Variants in N4BP2L2 observed in about 807,000 individuals in gnomAD.
The protein encoded by N4BP2L2 is NEDD4 binding protein 2 like 2.
In N4BP2L2, 50 loss-of-function variants were observed where a neutral mutation model predicts 56.2. The observed-to-expected ratio is 0.89, with a 90% CI of 0.71 to 1.13. The LOEUF (loss-of-function observed/expected upper bound fraction) is 1.13. Among genes scored for constraint, N4BP2L2 ranks in the 50% most tolerant of loss-of-function variants. N4BP2L2 has a pLI of 0.00. For synonymous variants in N4BP2L2, 203 were observed against 223.6 expected (o/e 0.91, Z 0.82); for missense variants, 689 against 693.8 (o/e 0.99, Z 0.08).
intron 6 of N4BP2L2, among the ~76,000 whole-genome samples, chr13:32,502,061 ATTTTTTT>A (rs368621196): frequency 2.4e-5 from 3 of 125,420 alleles, no homozygotes; most frequent in South Asian, 2.5e-4. Flanking sequence ...CTACTACAGC[ATTTTTTT>A]TTTTTTTTTT....
exon 6 of N4BP2L2, chr13:32,516,458 C>A (rs902193125): frequency 5.3e-5 from 8 of 152,016 alleles, no homozygotes; most frequent in South Asian, 2.1e-4. Flanking sequence ...TAACAAAGAC[C>A]TTGTTGATAG....
At chr13:32,464,259 A>T (rs2080809947) in intron 6 of N4BP2L2, among the ~76,000 whole-genome samples, 1 of 152,256 alleles carries the variant, frequency 6.6e-6, no homozygotes, top group African/African-American at 2.4e-5. Flanking sequence ...AAGTTGGTAA[A>T]TTCTAACTGG....
In N4BP2L2 at chr13:32,463,207, G is replaced by C. The variant is rs544401375; in HGVS notation, c.366-19081C>G. Among the ~76,000 whole-genome samples, 41 of 152,244 alleles carry C rather than the reference G, an allele frequency of 2.7e-4. No individual in the cohort carries two copies. In the East Asian group the frequency reaches 5.0e-3, roughly 19 times the overall value. On this transcript the variant is annotated intron_variant, in intron 6 of 9. Transcript: ENST00000357505. Reference sequence around the variant, plus strand: ...GTAGAAGGGGTTCTACAGCAGGCTTGAGCAGGCAGAAGAACAGTGAATTTG... The same window carrying C: ...GTAGAAGGGGTTCTACAGCAGGCTTCAGCAGGCAGAAGAACAGTGAATTTG...
At position 32,433,841 on chromosome 13, in the gene N4BP2L2, A is replaced by G. The variant is rs1270850669; in HGVS notation, c.*22-869T>C. On this transcript the variant is annotated intron_variant, in intron 9 of 9. Coordinates refer to the N4BP2L2 transcript ENST00000357505. ...AGCTACTTGGGAGGCTGAGGTGGAG[A>G]ATCGCTTGAACCCAGGAAGGCAGAG... 6.1e-5 allele frequency among the ~76,000 whole-genome samples: 9 copies of G among 148,330 alleles called. No homozygotes were observed. In the East Asian group the frequency reaches 1.9e-3, roughly 31 times the overall value.
At chr13:32,446,730 A>T (rs757919900) in intron 6 of N4BP2L2, among the ~76,000 whole-genome samples, 4 of 152,316 alleles carry the variant, frequency 2.6e-5, no homozygotes, top group Middle Eastern at 6.8e-3. Context: ...AATTCCATAT[A>T]CCAGCAGAAA....
chr13:32,502,019 A>T (rs2090103329), intron 6 of N4BP2L2, among the ~76,000 whole-genome samples: 1 of 152,028 alleles, frequency 6.6e-6, no homozygotes, highest in Admixed American at 6.6e-5. Context: ...TAAATTCGAT[A>T]ATGAAAAAAA....
chr13:32,537,045 C>A lies in N4BP2L2; in HGVS notation c.1-18G>T, dbSNP rs200659939. 8 of 1,432,038 alleles carry A rather than the reference C, an allele frequency of 5.6e-6. No homozygotes were observed. The East Asian group carries it at 1.7e-4, about 30-fold the overall frequency. 88.7% of individuals were successfully genotyped at this position (1,432,038 alleles called of 1,614,324 possible). A position where few individuals can be genotyped will look rare whatever the true frequency, so the allele number is the denominator to read the frequency against. ...TAAGACATCTGAGAAATAAATAAAT[C>A]ATACAATTACTAGCTAATATATTAA... On this transcript the variant is annotated intron_variant, in intron 1 of 5. Transcript: ENST00000267068.
exon 7 of N4BP2L2, chr13:32,442,674 T>G (rs1377002018): frequency 1.9e-6 from 3 of 1,613,736 alleles, no homozygotes; most frequent in Non-Finnish European, 2.5e-6. Context: ...TTGTCTGAGA[T>G]TCGAAAGTCA....
chr13:32,529,288 T>G (rs147116249), intron 2 of N4BP2L2, among the ~76,000 whole-genome samples: 68 of 152,348 alleles, frequency 4.5e-4, no homozygotes, highest in African/African-American at 1.4e-3. Flanking sequence ...AAATGCCAAT[T>G]AAAAACTGTG....
exon 7 of N4BP2L2, chr13:32,442,736 G>A: frequency 1.2e-6 from 2 of 1,613,264 alleles, no homozygotes; most frequent in Non-Finnish European, 1.7e-6. Context: ...GATAAATTAT[G>A]TAGCACAAAA....
At chr13:32,521,669 C>T (rs1361666038) in intron 4 of N4BP2L2, 1 of 443,438 alleles carries the variant, frequency 2.3e-6, no homozygotes, top group Non-Finnish European at 4.0e-6. Flanking sequence ...GATTACTATC[C>T]TTAAGGAAAG....
chr13:32,502,070 T>C (rs1352606485), intron 6 of N4BP2L2, among the ~76,000 whole-genome samples: 1 of 150,428 alleles, frequency 6.6e-6, no homozygotes, highest in Admixed American at 6.6e-5. Flanking sequence ...CATTTTTTTT[T>C]TTTTTTTTTT....
Position 32,439,286 on chromosome 13 carries a change from T to A in N4BP2L2, c.2105-549A>T, listed in dbSNP as rs372324097. Among the ~76,000 whole-genome samples the A allele has an allele frequency of 3.2e-4, 48 of 152,352 alleles. No individual in the cohort carries two copies. The South Asian group carries it at 9.5e-3, about 30-fold the overall frequency. ...ATGCACTAATTTTATTTTATGTTAG[T>A]CTTGTCTCCCAATTTAGAAGGTAAG... On this transcript the variant is annotated intron_variant, in intron 7 of 9. Coordinates refer to the N4BP2L2 transcript ENST00000357505.
intron 6 of N4BP2L2, among the ~76,000 whole-genome samples, chr13:32,484,019 A>C (rs1019259666): frequency 3.3e-5 from 5 of 151,428 alleles, no homozygotes; most frequent in Admixed American, 2.6e-4. Flanking sequence ...AAGAAAAACC[A>C]GTCGGGGCCA....
intron 6 of N4BP2L2, among the ~76,000 whole-genome samples, chr13:32,500,808 TG>T (rs1277517522): frequency 1.3e-5 from 2 of 151,580 alleles, no homozygotes; most frequent in Non-Finnish European, 2.9e-5. Flanking sequence ...TTCCAACATG[TG>T]CCCTCTTCCC....
chr13:32,536,956 T>C (rs773886749), exon 2 of N4BP2L2: 1 of 1,613,394 alleles, frequency 6.2e-7, no homozygotes, highest in East Asian at 2.2e-5. Context: ...ACTTCAATTT[T>C]TTACAGCGTG....
intron 6 of N4BP2L2, among the ~76,000 whole-genome samples, chr13:32,499,015 A>C (rs1384236811): frequency 1.3e-5 from 2 of 151,788 alleles, no homozygotes; most frequent in African/African-American, 4.8e-5. Flanking sequence ...AAAAAAATTA[A>C]AATTTAAAAA....
At chr13:32,526,404 C>A in intron 3 of N4BP2L2, among the ~76,000 whole-genome samples, 1 of 152,002 alleles carries the variant, frequency 6.6e-6, no homozygotes, top group East Asian at 1.9e-4. Flanking sequence ...TGTGTGATAA[C>A]GGCACTGAAG....
chr13:32,538,144 C>T (rs889277144), intron 1 of N4BP2L2, among the ~76,000 whole-genome samples: 1 of 152,026 alleles, frequency 6.6e-6, no homozygotes, highest in South Asian at 2.1e-4. Flanking sequence ...CTATTCCACC[C>T]AATTCTTCGT....
Sources: allele counts gnomAD v4.1 joint callset (sites outside exome capture counted in the v4.1 genomes callset), GRCh38; gene constraint gnomAD v4.1.1; transcripts MANE v1.5; gene names NCBI Gene and HGNC (gene_info 2026-07-23, HGNC 2026-07-21).